GMDS: variants seen among roughly 807,000 people sequenced by gnomAD.
GMDS encodes GDP-mannose 4,6 dehydratase.
A neutral mutation model predicts 49.9 loss-of-function variants in GMDS; 20 were observed. The ratio of observed to expected loss-of-function variants is 0.40; its 90% CI spans 0.28 to 0.58. GMDS has a LOEUF of 0.58. GMDS is among the 20% of genes least tolerant of loss of function. The probability of loss-of-function intolerance (pLI) is 0.42; values close to 1 mark genes in which losing one functional copy is unlikely to be tolerated. For synonymous variants in GMDS, 177 were observed against 178.6 expected, an observed-to-expected ratio of 0.99 and a Z score of 0.07; for missense variants, 362 against 481.4, an observed-to-expected ratio of 0.75 and a Z score of 2.32.
intron 1 of GMDS, among the ~76,000 whole-genome samples, chr6:2,227,739 C>T (rs900532868): frequency 1.3e-5 from 2 of 152,142 alleles, no homozygotes; most frequent in African/African-American, 4.8e-5. Context: ...ACAGAGGTCC[C>T]CTGGGTCACA....
In GMDS at chr6:1,726,351, T is replaced by C. The variant is rs1001108968; in HGVS notation, c.987+65A>G. The C allele has an allele frequency of 7.8e-6, 8 of 1,028,816 alleles. No individual in the cohort carries two copies. In the Admixed American group the frequency reaches 8.5e-5, roughly 11 times the overall value. The allele number at this position is 1,028,816 out of a possible 1,614,324, so 63.7% of individuals were successfully genotyped here. A position where few individuals can be genotyped will look rare whatever the true frequency, so the allele number is the denominator to read the frequency against. On this transcript the variant is annotated intron_variant, in intron 9 of 10. Coordinates refer to ENST00000380815, the MANE Select transcript of GMDS (RefSeq NM_001500.4). ...CCAAAGGCTGGCACCAGGCATTCCA[T>C]GAGCGCATTTGCCCAGCCAGCCAGC... is the stretch of plus-strand genomic sequence containing the variant.
intron 9 of GMDS, among the ~76,000 whole-genome samples, chr6:1,670,835 T>C (rs1314589399): frequency 1.3e-5 from 2 of 152,212 alleles, no homozygotes; most frequent in African/African-American, 4.8e-5. Flanking sequence ...AAGTACCTAG[T>C]ACGTTTTTAA....
intron 8 of GMDS, among the ~76,000 whole-genome samples, chr6:1,732,797 C>T (rs569329961): frequency 3.3e-4 from 50 of 152,182 alleles, no homozygotes; most frequent in African/African-American, 1.1e-3. Flanking sequence ...GGGTAGGAGA[C>T]AGCAGGGATT....
intron 1 of GMDS, among the ~76,000 whole-genome samples, chr6:2,157,340 C>G (rs1777160083): frequency 6.6e-6 from 1 of 152,208 alleles, no homozygotes; most frequent in African/African-American, 2.4e-5. Flanking sequence ...CAAGTGCATT[C>G]AAATTCTTTG....
At chr6:1,624,278 C>T in intron 10 of GMDS, 47 bp from the exon 11 acceptor site, 2 of 1,548,904 alleles carry the variant, frequency 1.3e-6, no homozygotes, top group Non-Finnish European at 1.8e-6. Context: ...GCCACTCTCT[C>T]CTGGTGACAC....
intron 8 of GMDS, among the ~76,000 whole-genome samples, chr6:1,730,753 G>C (rs943519548): frequency 2.6e-5 from 4 of 152,104 alleles, no homozygotes; most frequent in African/African-American, 9.7e-5. Context: ...GCCCCGTCAA[G>C]TCCTCTTATA....
At chr6:1,695,419 G>A (rs916349664) in intron 9 of GMDS, among the ~76,000 whole-genome samples, 1 of 152,188 alleles carries the variant, frequency 6.6e-6, no homozygotes, top group Non-Finnish European at 1.5e-5. Context: ...AAAGACTGCT[G>A]TAATCCTGGC....
chr6:1,773,789 A>G (rs1768679356), intron 7 of GMDS, among the ~76,000 whole-genome samples: 1 of 152,224 alleles, frequency 6.6e-6, no homozygotes, highest in South Asian at 2.1e-4. Flanking sequence ...TCAAGATTTC[A>G]GTCTCCTTGG....
At chr6:2,109,336 C>G (rs753867945) in intron 4 of GMDS, among the ~76,000 whole-genome samples, 2 of 152,072 alleles carry the variant, frequency 1.3e-5, no homozygotes, top group African/African-American at 4.8e-5. Flanking sequence ...GGTCAGGGGG[C>G]CTCACGGAGA....
intron 6 of GMDS, among the ~76,000 whole-genome samples, chr6:1,938,102 A>C (rs1161096229): frequency 6.6e-6 from 1 of 152,204 alleles, no homozygotes; most frequent in Non-Finnish European, 1.5e-5. Flanking sequence ...GGGTAACTAC[A>C]TTCCTTTCGT....
At chr6:1,876,258 C>CAA in intron 7 of GMDS, among the ~76,000 whole-genome samples, 1 of 138,084 alleles carries the variant, frequency 7.2e-6, no homozygotes, top group South Asian at 2.3e-4. Context: ...AACTCTGTCT[C>CAA]AAAAAAAAAA....
chr6:1,791,438 T>C (rs1352657373), intron 7 of GMDS, among the ~76,000 whole-genome samples: 1 of 152,154 alleles, frequency 6.6e-6, no homozygotes, highest in Non-Finnish European at 1.5e-5. Context: ...GGGGGAGAGC[T>C]CTGATGTCTC....
At chr6:1,808,448 C>T (rs769539080) in intron 7 of GMDS, among the ~76,000 whole-genome samples, 12 of 152,234 alleles carry the variant, frequency 7.9e-5, no homozygotes, top group Middle Eastern at 6.8e-3. Context: ...GGCTACGGTG[C>T]GGTTAAATGA....
At chr6:2,000,008 ATTTTTT>A (rs1188724745) in intron 4 of GMDS, among the ~76,000 whole-genome samples, 1 of 8,088 alleles carries the variant, frequency 1.2e-4, no homozygotes, top group African/African-American at 2.6e-4. Context: ...ATATATATAT[ATTTTTT>A]ATATATATAT....
intron 1 of GMDS, among the ~76,000 whole-genome samples, chr6:2,160,837 C>G (rs976514453): frequency 6.6e-6 from 1 of 151,294 alleles, no homozygotes; most frequent in African/African-American, 2.5e-5. Flanking sequence ...ACCAAAGACT[C>G]TGATGTATTG....
Position 1,778,485 on chromosome 6 carries a change from C to CAG in GMDS, c.772-35901_772-35900dup, listed in dbSNP as rs1768932497. ...AACTGTGGAATTCAAGAGGAGGGGG[C>CAG]AGCCTTCCTGACCTGGAACTTACTC... On this transcript the variant is annotated intron_variant, in intron 7 of 10. Transcript: ENST00000380815. The surrounding 1 kb of genome is among the most constrained non-coding windows in gnomAD (Gnocchi z 4.6). 6.6e-6 allele frequency among the ~76,000 whole-genome samples: 1 copy of CAG among 152,150 alleles called. No individual in the cohort carries two copies. The highest frequency in any genetic ancestry group is 1.5e-5 in the Non-Finnish European group (1 of 68,026).
chr6:2,245,276 G>T lies in GMDS; in HGVS notation c.102+45C>A, dbSNP rs370562357. On this transcript the variant is annotated intron_variant, in intron 1 of 10. Transcript: ENST00000380815. ...GTAGCGGCGCGTAGGGAGAGCACGC[G>T]TGCCCAGGCTGCCTCGGCCGGCGCG... The T allele has an allele frequency of 3.2e-3, 4,135 of 1,288,488 alleles. 14 individuals carry two copies. Among genetic ancestry groups the T allele is most frequent in the Non-Finnish European group, 3.8e-3 (3,485 of 921,528 alleles). 79.8% of individuals were successfully genotyped at this position (1,288,488 alleles called of 1,614,324 possible).
At chr6:1,837,895 G>A (rs1406856827) in intron 7 of GMDS, among the ~76,000 whole-genome samples, 1 of 152,178 alleles carries the variant, frequency 6.6e-6, no homozygotes, top group Non-Finnish European at 1.5e-5. Context: ...GAGCAGACAG[G>A]AGGACTAGGG....
Position 1,861,479 on chromosome 6 carries a change from G to T in GMDS, c.771+68624C>A, listed in dbSNP as rs571969167. On this transcript the variant is annotated intron_variant, in intron 7 of 10. Coordinates refer to ENST00000380815, the MANE Select transcript of GMDS (RefSeq NM_001500.4). ...TAGGCATCTTGGAAACTACATTTTTGATCAGGAGAGGCTGTTCCAGTGGGA... is the reference window on the plus strand; with the variant it reads ...TAGGCATCTTGGAAACTACATTTTTTATCAGGAGAGGCTGTTCCAGTGGGA... 7.2e-5 allele frequency among the ~76,000 whole-genome samples: 11 copies of T among 152,184 alleles called. No homozygotes were observed. The South Asian group carries it at 1.7e-3, about 23-fold the overall frequency.
Sources: gnomAD v4.1 joint callset for allele counts (sites outside exome capture counted in the v4.1 genomes callset) on GRCh38, gnomAD v4.1.1 for gene constraint, Gnocchi (gnomAD v3.1) non-coding constraint, MANE v1.5 for transcripts, NCBI Gene and HGNC (gene_info 2026-07-23, HGNC 2026-07-21) for gene names.